NTNG1: variants seen among roughly 807,000 people sequenced by gnomAD.
The protein encoded by NTNG1 is netrin-G1.
Under a neutral mutation model 54.0 loss-of-function variants are expected in NTNG1, and 16 were observed. That is an observed-to-expected ratio of 0.30 (90% CI 0.20 to 0.45). NTNG1 has a LOEUF of 0.45. NTNG1 is among the 20% of genes least tolerant of loss of function. The probability of loss-of-function intolerance (pLI) is 1.00; values close to 1 mark genes in which losing one functional copy is unlikely to be tolerated. For missense variants in NTNG1, 530 were observed against 678.7 expected (o/e 0.78, Z 2.43); for synonymous variants, 255 against 263.1 (o/e 0.97, Z 0.30).
intron 2 of NTNG1, among the ~76,000 whole-genome samples, chr1:107,223,626 A>G (rs1459557208): frequency 2.0e-5 from 3 of 152,142 alleles, no homozygotes; most frequent in African/African-American, 4.8e-5. Flanking sequence ...TCTCCTTTTC[A>G]TCAATGGTAT....
chr1:107,259,451 A>T (rs1314809308), intron 2 of NTNG1, among the ~76,000 whole-genome samples: 1 of 152,266 alleles, frequency 6.6e-6, no homozygotes, highest in African/African-American at 2.4e-5. Context: ...TTACTAGCCC[A>T]TATAATCATC....
At chr1:107,480,508 A>ATT in intron 7 of NTNG1, 103 bp from the exon 8 acceptor site, 2 of 639,288 alleles carry the variant, frequency 3.1e-6, no homozygotes, top group Non-Finnish European at 2.6e-6. Flanking sequence ...ATCGATAGAG[A>ATT]TTTTTTTTTT....
At chr1:107,231,383 T>A (rs114523241) in intron 2 of NTNG1, among the ~76,000 whole-genome samples, 186 of 152,276 alleles carry the variant, frequency 1.2e-3, no homozygotes, top group African/African-American at 4.4e-3. Flanking sequence ...TAGCCTGACT[T>A]CAACTCCTGA....
intron 3 of NTNG1, among the ~76,000 whole-genome samples, chr1:107,340,740 CAG>C (rs1668854655): frequency 6.6e-6 from 1 of 151,962 alleles, no homozygotes; most frequent in African/African-American, 2.4e-5. Flanking sequence ...AGAGAGGCAA[CAG>C]AGAGTGGCTT....
intron 7 of NTNG1, 127 bp from the exon 8 acceptor site, chr1:107,480,484 G>C (rs990682999): frequency 1.4e-5 from 9 of 625,552 alleles, no homozygotes; most frequent in East Asian, 8.3e-5. Context: ...TGGAGGGGAG[G>C]GGGGAGCACA....
intron 3 of NTNG1, among the ~76,000 whole-genome samples, chr1:107,364,069 C>G (rs1320624759): frequency 6.6e-6 from 1 of 152,118 alleles, no homozygotes; most frequent in Non-Finnish European, 1.5e-5. Flanking sequence ...CTTGGGTAAA[C>G]TGCTTACACT....
chr1:107,297,215 TCA>T (rs1666017226), intron 2 of NTNG1, among the ~76,000 whole-genome samples: 2 of 14,774 alleles, frequency 1.4e-4, no homozygotes, highest in African/African-American at 4.2e-4. Flanking sequence ...ATATATACCA[TCA>T]TATATATATA....
At chr1:107,394,825 C>T (rs987925059) in intron 3 of NTNG1, among the ~76,000 whole-genome samples, 1 of 152,106 alleles carries the variant, frequency 6.6e-6, no homozygotes, top group Non-Finnish European at 1.5e-5. Flanking sequence ...AGACCTTTTC[C>T]TAAATGACAG....
Position 107,201,019 on chromosome 1 carries a change from T to G in NTNG1, c.246+52180T>G, listed in dbSNP as rs536511165. 9.9e-5 allele frequency among the ~76,000 whole-genome samples: 15 copies of G among 152,036 alleles called. No individual in the cohort carries two copies. The South Asian group carries it at 3.1e-3, about 32-fold the overall frequency. On this transcript the variant is annotated intron_variant, in intron 2 of 7. Coordinates refer to ENST00000370068, the MANE Select transcript of NTNG1 (RefSeq NM_001113226.3). ...CATTCTAAGCAACACAACGCAATTT[T>G]GGGTACTGTAAATTTTTTCAATTTT...
intron 5 of NTNG1, among the ~76,000 whole-genome samples, chr1:107,419,440 C>CTGAT (rs1674439137): frequency 8.2e-6 from 1 of 121,356 alleles, no homozygotes; most frequent in Non-Finnish European, 1.9e-5. Context: ...GAAAACAACA[C>CTGAT]TGATAGACAG....
chr1:107,336,185 C>G (rs1570706917), intron 3 of NTNG1, among the ~76,000 whole-genome samples: 1 of 140,998 alleles, frequency 7.1e-6, no homozygotes, highest in Admixed American at 7.1e-5. Flanking sequence ...TGTTGTTGTT[C>G]TTTTTTTTTT....
At chr1:107,444,795 G>A (rs1221539491) in intron 7 of NTNG1, among the ~76,000 whole-genome samples, 1 of 152,064 alleles carries the variant, frequency 6.6e-6, no homozygotes, top group Non-Finnish European at 1.5e-5. Flanking sequence ...GCTAGCAGCC[G>A]AGAATCAAAG....
chr1:107,453,823 T>C (rs1259045451), intron 7 of NTNG1, among the ~76,000 whole-genome samples: 1 of 152,174 alleles, frequency 6.6e-6, no homozygotes, highest in Non-Finnish European at 1.5e-5. Flanking sequence ...TATTTATTCT[T>C]CCAATAACCC....
chr1:107,469,106 A>G (rs1350914738), intron 7 of NTNG1, among the ~76,000 whole-genome samples: 3 of 151,804 alleles, frequency 2.0e-5, no homozygotes, highest in Non-Finnish European at 4.4e-5. Flanking sequence ...TCAAAAAAAA[A>G]AAAAAAAAAC....
At chr1:107,391,797 C>T (rs989817161) in intron 3 of NTNG1, among the ~76,000 whole-genome samples, 1 of 152,078 alleles carries the variant, frequency 6.6e-6, no homozygotes, top group African/African-American at 2.4e-5. Context: ...GGGCACCAAG[C>T]CTTCATGAGA....
In NTNG1 at chr1:107,363,367, T is replaced by C. The variant is rs12035883; in HGVS notation, c.888-31787T>C. Reference sequence around the variant, plus strand: ...TGGAGTATATCATTGCAAAGTCTCATAGTCATGAGGAAACTGGGGGGTCAT... The same window carrying C: ...TGGAGTATATCATTGCAAAGTCTCACAGTCATGAGGAAACTGGGGGGTCAT... On this transcript the variant is annotated intron_variant, in intron 3 of 7. Coordinates refer to ENST00000370068, the MANE Select transcript of NTNG1 (RefSeq NM_001113226.3). 3.9e-5 allele frequency among the ~76,000 whole-genome samples: 6 copies of C among 152,262 alleles called. No homozygotes were observed. In the East Asian group the frequency reaches 1.2e-3, roughly 29 times the overall value.
At chr1:107,474,609 T>C (rs1678193193) in intron 7 of NTNG1, among the ~76,000 whole-genome samples, 1 of 152,204 alleles carries the variant, frequency 6.6e-6, no homozygotes, top group Admixed American at 6.5e-5. Flanking sequence ...TTATAATGAA[T>C]AGAAGTTTAT....
intron 4 of NTNG1, among the ~76,000 whole-genome samples, chr1:107,396,785 A>G (rs917980249): frequency 3.0e-4 from 45 of 152,166 alleles, no homozygotes; most frequent in Non-Finnish European, 5.0e-4. Context: ...TTAGTAGAAA[A>G]GGCTGGAAGA....
chr1:107,480,409 A>G (rs1245027156), intron 7 of NTNG1, among the ~76,000 whole-genome samples: 1 of 152,200 alleles, frequency 6.6e-6, no homozygotes, highest in Non-Finnish European at 1.5e-5. Flanking sequence ...GAAAAGGACT[A>G]ATATGATAAA....
Sources: gnomAD v4.1 joint callset for allele counts (sites outside exome capture counted in the v4.1 genomes callset) on GRCh38, gnomAD v4.1.1 for gene constraint, MANE v1.5 for transcripts, NCBI Gene and HGNC (gene_info 2026-07-23, HGNC 2026-07-21) for gene names.